The following RDH10 variants were observed in gnomAD, a reference collection of about 807,000 sequenced individuals.
RDH10 encodes retinol dehydrogenase 10 (all-trans).
RDH10 carries 12 observed loss-of-function variants against 30.2 expected under a neutral mutation model. That is an observed-to-expected ratio of 0.40 (90% CI 0.25 to 0.64). RDH10 has a LOEUF of 0.64. RDH10 is among the 30% of genes least tolerant of loss of function. The pLI is 0.43. For synonymous variants in RDH10, 189 were observed against 172.2 expected (o/e 1.10, Z -0.76); for missense variants, 268 against 445.2 (o/e 0.60, Z 3.58).
intron 2 of RDH10, among the ~76,000 whole-genome samples, chr8:73,303,028 A>G (rs899839470): frequency 4.0e-5 from 6 of 151,816 alleles, no homozygotes; most frequent in African/African-American, 1.2e-4. Context: ...ATTTACTTCT[A>G]TTGATATGGT....
chr8:73,317,429 T>C (rs543187668), intron 2 of RDH10, among the ~76,000 whole-genome samples: 1 of 152,202 alleles, frequency 6.6e-6, no homozygotes, highest in African/African-American at 2.4e-5. Flanking sequence ...CAGGTGAGAA[T>C]AAGCATTTCA....
chr8:73,318,630 T>A (rs558766386), intron 2 of RDH10, among the ~76,000 whole-genome samples: 1 of 152,406 alleles, frequency 6.6e-6, no homozygotes, highest in Admixed American at 6.5e-5. Flanking sequence ...ATCTCTTCAT[T>A]GATAGGTCTA....
At chr8:73,304,961 A>G (rs542073542) in intron 2 of RDH10, among the ~76,000 whole-genome samples, 1 of 152,286 alleles carries the variant, frequency 6.6e-6, no homozygotes, top group East Asian at 1.9e-4. Context: ...GGAAGGAAGC[A>G]AAGTTGGTAT....
intron 2 of RDH10, chr8:73,315,424 A>G (rs1814645383): frequency 3.3e-6 from 1 of 302,866 alleles, no homozygotes; most frequent in Admixed American, 3.6e-5. Context: ...CCTTATGGAC[A>G]AACTGGAACT....
Position 73,322,702 on chromosome 8 carries a change from C to T in RDH10, c.794C>T (p.Pro265Leu). The change falls in exon 5 of 6, where the codon CCA (proline) becomes CTA (leucine). Residue 265 changes from proline to leucine, a missense_variant. Pro to Leu is a moderately conservative substitution (Grantham distance 98, BLOSUM62 -3). Around this residue, in one of 4 missense-constraint regions of RDH10, gnomAD observed 136 missense variants for 288.8 expected, o/e 0.47. Coordinates refer to ENST00000240285, the MANE Select transcript of RDH10 (RefSeq NM_172037.5). ...AGGAAAGAAATTGAGCCTTTTCTGC[C>T]ACCTCTGAAGCCTGATTACTGTGTG... is the stretch of plus-strand genomic sequence containing the variant. ...RIRKEIEPFL[P>L]PLKPDYCVKQ... is the part of the protein sequence containing the mutation. 6.2e-7 allele frequency: 1 copy of T among 1,610,836 alleles called. No individual in the cohort carries two copies. The highest frequency in any genetic ancestry group is 8.5e-7 in the Non-Finnish European group (1 of 1,179,036).
In RDH10 at chr8:73,324,139, A is replaced by G. The variant is rs1814823596; in HGVS notation, c.*1103A>G. 6.6e-6 allele frequency: 1 copy of G among 152,632 alleles called. No homozygotes were observed. Among genetic ancestry groups the G allele is most frequent in the Non-Finnish European group, 1.5e-5 (1 of 68,042 alleles). 9.5% of individuals were successfully genotyped at this position (152,632 alleles called of 1,614,324 possible). On this transcript the variant is annotated 3_prime_UTR_variant, in exon 6 of 6. Transcript: ENST00000240285. ...ATACATAGCAGCTCTGCAAAGGAAC[A>G]GTTTTTAAAAATGGGAACTTCTACA...
chr8:73,301,077 G>T, intron 2 of RDH10, among the ~76,000 whole-genome samples: 1 of 120,384 alleles, frequency 8.3e-6, no homozygotes, highest in Non-Finnish European at 1.6e-5. Flanking sequence ...TTGAGACGGA[G>T]TCTCGCTCTG....
chr8:73,320,097 C>A (rs1371955964), intron 3 of RDH10, among the ~76,000 whole-genome samples: 1 of 152,210 alleles, frequency 6.6e-6, no homozygotes, highest in African/African-American at 2.4e-5. Flanking sequence ...GATTACAAGG[C>A]ATGATTATCA....
At chr8:73,312,478 G>GTGACTGAGTTCTCAGAGAAGAGCGCC (rs1814580661) in intron 2 of RDH10, 1 of 152,236 alleles carries the variant, frequency 6.6e-6, no homozygotes, top group Non-Finnish European at 1.5e-5. Context: ...TCCAGGAACA[G>GTGACTGAGTTCTCAGAGAAGAGCGCC]TGACTGAGTT....
In RDH10 at chr8:73,304,479, G is replaced by C. The variant is rs888863265; in HGVS notation, c.525+7050G>C. ...AACCTAGGGTCATCTAAGCAGCCTT[G>C]AGTTTGTTATCTGCCTGCTTAAAAC... On this transcript the variant is annotated intron_variant, in intron 2 of 5. Transcript: ENST00000240285. Among the ~76,000 whole-genome samples, 3 of 152,260 alleles carry C rather than the reference G, an allele frequency of 2.0e-5. No individual in the cohort carries two copies. The South Asian group carries it at 6.2e-4, about 32-fold the overall frequency.
rs1356804660 is a variant in RDH10 at position 73,321,457 on chromosome 8, C to T, written c.770+380C>T. Among the ~76,000 whole-genome samples the T allele has an allele frequency of 2.0e-5, 3 of 152,160 alleles. No individual in the cohort carries two copies. In the South Asian group the frequency reaches 6.2e-4, roughly 32 times the overall value. ...ATGTGACTTGGGTCTGGATATGAAG[C>T]AATGTTACTGTCACAGAGAGTAACG... On this transcript the variant is annotated intron_variant, in intron 4 of 5. Transcript: ENST00000240285.
In RDH10 at chr8:73,295,367, G is replaced by C; in HGVS notation, c.78G>C (p.Leu26=). The C allele has an allele frequency of 1.3e-6, 2 of 1,559,208 alleles. No individual in the cohort carries two copies. Among genetic ancestry groups the C allele is most frequent in the Non-Finnish European group, 1.7e-6 (2 of 1,153,320 alleles). Residue 26 remains leucine, a synonymous_variant, in exon 1 of 6, where the codon CTG becomes CTC. Coordinates refer to ENST00000240285, the MANE Select transcript of RDH10 (RefSeq NM_172037.5). ...WAFVLAAARW[L]VRPKEKSVAG... is the part of the protein sequence containing the mutation. ...TCGTGCTGGCCGCGGCGCGCTGGCT[G>C]GTGCGGCCCAAGGAGAAGAGCGTGG...
chr8:73,304,421 ATCT>A (rs1408551097), intron 2 of RDH10, among the ~76,000 whole-genome samples: 4 of 152,082 alleles, frequency 2.6e-5, no homozygotes, highest in South Asian at 2.1e-4. Context: ...AGTGCCTCTG[ATCT>A]TCTTTTCCTG....
intron 2 of RDH10, among the ~76,000 whole-genome samples, chr8:73,298,553 G>C (rs1814319416): frequency 6.6e-6 from 1 of 151,894 alleles, no homozygotes; most frequent in South Asian, 2.1e-4. Context: ...TTTCGAGATG[G>C]AGTCTCACTC....
intron 2 of RDH10, among the ~76,000 whole-genome samples, chr8:73,300,758 G>C (rs565818347): frequency 6.6e-6 from 1 of 152,260 alleles, no homozygotes; most frequent in Non-Finnish European, 1.5e-5. Flanking sequence ...TCCATTCCAC[G>C]TGTCTTTTAA....
rs62509793 is a variant in RDH10 at position 73,308,582 on chromosome 8, G to A, written c.526-10514G>A. 4.8e-3 allele frequency among the ~76,000 whole-genome samples: 731 copies of A among 152,240 alleles called. 3 individuals are homozygous for A. The highest frequency in any genetic ancestry group is 7.6e-3 in the Non-Finnish European group (518 of 68,022). On this transcript the variant is annotated intron_variant, in intron 2 of 5. Coordinates refer to ENST00000240285, the MANE Select transcript of RDH10 (RefSeq NM_172037.5). ...CTTCAAAGCCTCTGTGGATGCAGAG[G>A]GAAGGATTTGAAGTCTTTTAGGTTT...
intron 2 of RDH10, chr8:73,311,854 C>G (rs1035654742): frequency 1.3e-5 from 2 of 152,150 alleles, no homozygotes; most frequent in African/African-American, 4.8e-5. Context: ...CAAACATACC[C>G]AACTAGGAAA....
intron 1 of RDH10, chr8:73,295,818 G>T (rs138161222): frequency 4.9e-6 from 6 of 1,216,672 alleles, no homozygotes; most frequent in Admixed American, 4.1e-5. Context: ...GACCACGGCG[G>T]GGGGAGGGGG....
chr8:73,321,979 G>GTTTGT (rs1483181000), intron 4 of RDH10: 1 of 456,064 alleles, frequency 2.2e-6, no homozygotes, highest in African/African-American at 2.0e-5. Context: ...TGTGTTGGTG[G>GTTTGT]TTTGTTTTGT....
Sources: allele counts gnomAD v4.1 joint callset (sites outside exome capture counted in the v4.1 genomes callset), GRCh38; gene constraint gnomAD v4.1.1; regional missense constraint gnomAD v4.1.1; transcripts MANE v1.5; gene names NCBI Gene and HGNC (gene_info 2026-07-23, HGNC 2026-07-21).